Variants in PLEKHG1 observed in about 807,000 individuals in gnomAD.
PLEKHG1 encodes the protein pleckstrin homology and RhoGEF domain containing G1.
A neutral mutation model predicts 100.8 loss-of-function variants in PLEKHG1; 44 were observed. The ratio of observed to expected loss-of-function variants is 0.44; its 90% CI spans 0.34 to 0.56. The LOEUF (loss-of-function observed/expected upper bound fraction) is 0.56, where lower values mean the gene tolerates loss of function less well. Ranked by LOEUF, PLEKHG1 falls within the 20% of genes least tolerant of loss-of-function variation. The pLI is 0.01. For synonymous variants in PLEKHG1, 640 were observed against 662.5 expected (o/e 0.97, Z 0.52); for missense variants, 1,545 against 1,720.9 (o/e 0.90, Z 1.81).
intron 1 of PLEKHG1, among the ~76,000 whole-genome samples, chr6:150,731,403 G>T (rs775975665): frequency 3.9e-5 from 6 of 152,154 alleles, no homozygotes; most frequent in Non-Finnish European, 8.8e-5. Context: ...CTCGGAATTA[G>T]TTCCTTCATT....
intron 1 of PLEKHG1, among the ~76,000 whole-genome samples, chr6:150,628,652 G>A (rs1243365472): frequency 6.6e-6 from 1 of 151,558 alleles, no homozygotes; most frequent in African/African-American, 2.4e-5. Context: ...AAAGGACTCA[G>A]GGTTGAATTC....
chr6:150,635,216 G>A (rs546332717), intron 1 of PLEKHG1, among the ~76,000 whole-genome samples: 4 of 152,294 alleles, frequency 2.6e-5, no homozygotes, highest in Admixed American at 2.6e-4. Context: ...GTAAATTGCA[G>A]CTTTCACAGA....
intron 1 of PLEKHG1, among the ~76,000 whole-genome samples, chr6:150,725,844 T>C (rs1781937214): frequency 6.6e-6 from 1 of 152,086 alleles, no homozygotes; most frequent in Non-Finnish European, 1.5e-5. Context: ...TGTTTGTGTA[T>C]ACTATAAGAT....
intron 10 of PLEKHG1, among the ~76,000 whole-genome samples, chr6:150,810,418 C>T (rs1269622801): frequency 4.0e-5 from 6 of 150,816 alleles, no homozygotes; most frequent in African/African-American, 9.7e-5. Context: ...ACCACCACAC[C>T]TGGCTAAATT....
At chr6:150,819,632 A>G (rs1776183949) in intron 11 of PLEKHG1, 47 bp from the exon 13 acceptor site, 2 of 963,362 alleles carry the variant, frequency 2.1e-6, no homozygotes, top group Non-Finnish European at 3.4e-6. Flanking sequence ...TTTTCTGAGA[A>G]GCCCCTGACA....
At chr6:150,737,836 C>G (rs766784772) in intron 2 of PLEKHG1, among the ~76,000 whole-genome samples, 3 of 151,936 alleles carry the variant, frequency 2.0e-5, no homozygotes, top group Non-Finnish European at 4.4e-5. Context: ...AAGCATCTCA[C>G]CCTATCACCC....
At chr6:150,699,481 C>T (rs755340468) in intron 3 of PLEKHG1, among the ~76,000 whole-genome samples, 3 of 152,172 alleles carry the variant, frequency 2.0e-5, no homozygotes, top group South Asian at 2.1e-4. Context: ...GGGGAAGAGA[C>T]ATTTTAGACT....
At chr6:150,754,841 T>A (rs1783736322) in intron 2 of PLEKHG1, among the ~76,000 whole-genome samples, 1 of 152,048 alleles carries the variant, frequency 6.6e-6, no homozygotes, top group Non-Finnish European at 1.5e-5. Context: ...GCTAATTTTT[T>A]GTATTATTAG....
At chr6:150,627,516 A>T (rs1167420429) in intron 1 of PLEKHG1, among the ~76,000 whole-genome samples, 1 of 152,200 alleles carries the variant, frequency 6.6e-6, no homozygotes, top group Non-Finnish European at 1.5e-5. Flanking sequence ...CTTTAAAAAA[A>T]AATCAACACC....
chr6:150,785,670 A>G (rs771708075), intron 3 of PLEKHG1, among the ~76,000 whole-genome samples: 49 of 152,118 alleles, frequency 3.2e-4, no homozygotes, highest in Non-Finnish European at 4.1e-4. Flanking sequence ...GACTCTTCCA[A>G]TGGATTGGAA....
chr6:150,814,704 C>T (rs75273495), intron 10 of PLEKHG1, among the ~76,000 whole-genome samples: 15,421 of 152,106 alleles, frequency 0.1, 909 homozygotes, highest in East Asian at 0.18. Context: ...ATAAAAACAC[C>T]TTTTTTTGTT....
intron 3 of PLEKHG1, among the ~76,000 whole-genome samples, chr6:150,696,490 G>T (rs950205245): frequency 1.3e-5 from 2 of 152,108 alleles, no homozygotes; most frequent in Non-Finnish European, 1.5e-5. Flanking sequence ...CACACGGCAC[G>T]CACGCACTTT....
chr6:150,699,075 G>T (rs145024498), intron 3 of PLEKHG1, among the ~76,000 whole-genome samples: 1 of 152,264 alleles, frequency 6.6e-6, no homozygotes, highest in East Asian at 1.9e-4. Context: ...CTTAAAACTG[G>T]TGAAATCTGA....
At chr6:150,695,691 T>G (rs1178870409) in intron 3 of PLEKHG1, among the ~76,000 whole-genome samples, 2 of 152,112 alleles carry the variant, frequency 1.3e-5, no homozygotes, top group Non-Finnish European at 1.5e-5. Context: ...CTAACAAATA[T>G]GCACACCAAA....
chr6:150,740,106 G>A (rs1033219535), intron 2 of PLEKHG1, among the ~76,000 whole-genome samples: 3 of 152,230 alleles, frequency 2.0e-5, no homozygotes, highest in Admixed American at 6.5e-5. Flanking sequence ...CTTGTGCAGT[G>A]ATTTCAGCAC....
At chr6:150,674,675 CT>C (rs1779691614) in intron 3 of PLEKHG1, among the ~76,000 whole-genome samples, 8 of 142,892 alleles carry the variant, frequency 5.6e-5, no homozygotes, top group African/African-American at 8.0e-5. Flanking sequence ...CTCTCTCTCT[CT>C]CTCTCTCCCC....
intron 2 of PLEKHG1, among the ~76,000 whole-genome samples, chr6:150,746,695 G>A (rs1274533263): frequency 6.6e-6 from 1 of 152,180 alleles, no homozygotes. Flanking sequence ...ATAAACTATA[G>A]CATTTGCTAT....
At chr6:150,610,878 G>A (rs1776800974) in intron 1 of PLEKHG1, among the ~76,000 whole-genome samples, 1 of 152,200 alleles carries the variant, frequency 6.6e-6, no homozygotes, top group Non-Finnish European at 1.5e-5. Flanking sequence ...CAGGGATTGT[G>A]TTTATTCTGG....
intron 10 of PLEKHG1, among the ~76,000 whole-genome samples, chr6:150,810,925 A>G (rs1469197324): frequency 1.3e-5 from 2 of 149,408 alleles, no homozygotes; most frequent in Admixed American, 6.7e-5. Context: ...TGTCTCAAGA[A>G]AAAAAAAAAA....
Sources: allele counts gnomAD v4.1 joint callset (sites outside exome capture counted in the v4.1 genomes callset), GRCh38; gene constraint gnomAD v4.1.1; transcripts MANE v1.5; gene names NCBI Gene and HGNC (gene_info 2026-07-23, HGNC 2026-07-21).